Variants in KCNQ1 observed in about 807,000 individuals in gnomAD.
KCNQ1 encodes the protein potassium voltage-gated channel subfamily Q member 1.
In KCNQ1, 49 loss-of-function variants were observed where a neutral mutation model predicts 72.4. The ratio of observed to expected loss-of-function variants is 0.68; its 90% CI spans 0.54 to 0.86. KCNQ1 has a LOEUF of 0.86. Ranked by LOEUF, KCNQ1 falls within the 40% of genes least tolerant of loss-of-function variation. The probability of loss-of-function intolerance (pLI) is 0.00; values close to 1 mark genes in which losing one functional copy is unlikely to be tolerated. For missense variants in KCNQ1, 790 were observed against 945.1 expected (o/e 0.84, Z 2.15); for synonymous variants, 450 against 412.6 (o/e 1.09, Z -1.10).
chr11:2,575,084 A>G (rs528716705), intron 6 of KCNQ1, among the ~76,000 whole-genome samples: 109 of 152,264 alleles, frequency 7.2e-4, no homozygotes, highest in African/African-American at 2.4e-3. Context: ...ACGGCTGATA[A>G]GCAGTGCCCA....
rs1449455322 is a variant in KCNQ1, at chr11:2,602,858, T to C, written c.1393+14004T>C. Among the ~76,000 whole-genome samples the C allele has an allele frequency of 6.6e-6, 1 of 152,242 alleles. No individual in the cohort carries two copies. The highest frequency in any genetic ancestry group is 2.4e-5 in the African/African-American group (1 of 41,472). On this transcript the variant is annotated intron_variant, in intron 10 of 15. Coordinates refer to ENST00000155840, the MANE Select transcript of KCNQ1 (RefSeq NM_000218.3). The surrounding 1 kb of genome is among the most constrained non-coding windows in gnomAD (Gnocchi z 4.8). Reference sequence around the variant, plus strand: ...AAACAGGGTGCAAATATTTATTCATTGTAGCTTTCATTGTCATCATCTCAA... The same window carrying C: ...AAACAGGGTGCAAATATTTATTCATCGTAGCTTTCATTGTCATCATCTCAA...
chr11:2,621,206 G>T lies in KCNQ1; in HGVS notation c.1393+32352G>T. ...TTGGCCAGGATGGTCTCGAATACCT[G>T]ACCCCAGATGATCCACGCACCTCAG... On this transcript the variant is annotated intron_variant, in intron 10 of 15. Coordinates refer to ENST00000155840, the MANE Select transcript of KCNQ1 (RefSeq NM_000218.3). This position sits in a 1 kb window ranked among gnomAD's most constrained non-coding sequence, Gnocchi z 5.7. 2.5e-6 allele frequency: 1 copy of T among 397,674 alleles called. No homozygotes were observed. The highest frequency in any genetic ancestry group is 1.4e-4 in the South Asian group (1 of 7,130). The allele number at this position is 397,674 out of a possible 1,614,324, so 24.6% of individuals were successfully genotyped here. A position where few individuals can be genotyped will look rare whatever the true frequency, so the allele number is the denominator to read the frequency against.
In KCNQ1 at chr11:2,679,363, G is replaced by A. The variant is rs1850347906; in HGVS notation, c.1514+17282G>A. 2 of 398,502 alleles carry A rather than the reference G, an allele frequency of 5.0e-6. No homozygotes were observed. Among genetic ancestry groups the A allele is most frequent in the Non-Finnish European group, 8.8e-6 (2 of 226,072 alleles). The allele number at this position is 398,502 out of a possible 1,614,324, so 24.7% of individuals were successfully genotyped here. ...CTACTTTCTACCTGCTACACCTTGA[G>A]TGAGTCACTTAGTCTCAGTTTCTTT... On this transcript the variant is annotated intron_variant, in intron 11 of 15. Transcript: ENST00000155840. The surrounding 1 kb of genome is among the most constrained non-coding windows in gnomAD (Gnocchi z 4.8).
chr11:2,477,326 T>G lies in KCNQ1; in HGVS notation c.386+31842T>G, dbSNP rs1413049010. ...ATGTGGGATCAAAGGTAGGAAATGC[T>G]CTTTACAAAGTCATCAAAAAGTTTT... On this transcript the variant is annotated intron_variant, in intron 1 of 15. Transcript: ENST00000155840. The surrounding 1 kb of genome is among the most constrained non-coding windows in gnomAD (Gnocchi z 5.0). Among the ~76,000 whole-genome samples, 1 of 152,204 alleles carries G rather than the reference T, an allele frequency of 6.6e-6. No homozygotes were observed. The highest frequency in any genetic ancestry group is 1.5e-5 in the Non-Finnish European group (1 of 68,028).
chr11:2,650,884 G>A, intron 10 of KCNQ1: 1 of 398,620 alleles, frequency 2.5e-6, no homozygotes, highest in Non-Finnish European at 4.4e-6. Flanking sequence ...GAGGGGATGA[G>A]GAGCAGCATG....
chr11:2,718,291 T>G (rs10832572), intron 11 of KCNQ1, among the ~76,000 whole-genome samples: 29,880 of 152,066 alleles, frequency 0.2, 4,433 homozygotes, highest in African/African-American at 0.41. Flanking sequence ...ACCCCCACAC[T>G]TAGGGTGCCT....
At position 2,494,114 on chromosome 11, in the gene KCNQ1, G is replaced by C. The variant is rs1352202988; in HGVS notation, c.387-33814G>C. ...ATTTTCTTCTCTTTGTAGCAATTAT[G>C]AATGGGGATTCACTCATGATTTGGC... On this transcript the variant is annotated intron_variant, in intron 1 of 15. Transcript: ENST00000155840. This position sits in a 1 kb window ranked among gnomAD's most constrained non-coding sequence, Gnocchi z 4.6. 6.6e-6 allele frequency among the ~76,000 whole-genome samples: 1 copy of C among 151,988 alleles called. No homozygotes were observed. The highest frequency in any genetic ancestry group is 1.9e-4 in the East Asian group (1 of 5,162).
chr11:2,504,686 G>A (rs778639848), intron 1 of KCNQ1, among the ~76,000 whole-genome samples: 3 of 152,198 alleles, frequency 2.0e-5, no homozygotes, highest in Non-Finnish European at 4.4e-5. Context: ...GAACTCAGGA[G>A]GCGGAGGTTG....
chr11:2,779,893 A>G (rs546018797), intron 15 of KCNQ1, among the ~76,000 whole-genome samples: 1 of 152,284 alleles, frequency 6.6e-6, no homozygotes, highest in African/African-American at 2.4e-5. Flanking sequence ...TTCACATCTG[A>G]GCAACAAAGG....
intron 10 of KCNQ1, among the ~76,000 whole-genome samples, chr11:2,594,811 T>C (rs1848713573): frequency 6.6e-6 from 1 of 152,252 alleles, no homozygotes; most frequent in Non-Finnish European, 1.5e-5. Context: ...TGAACATGCA[T>C]ATTTTGTACC....
chr11:2,733,857 C>CGCTCTTTCTCT (rs147278439), intron 11 of KCNQ1, among the ~76,000 whole-genome samples: 1 of 76,320 alleles, frequency 1.3e-5, no homozygotes, highest in African/African-American at 6.1e-5. Flanking sequence ...CTCTCTCTCT[C>CGCTCTTTCTCT]CCCCCCCACT....
rs1287684811 is a variant in KCNQ1 at position 2,617,708 on chromosome 11, C to T, written c.1393+28854C>T. ...TGTACAAGAGTTCCCTAACCCTAGC[C>T]AACACTTAATAGCTATTCTCATGAG... On this transcript the variant is annotated intron_variant, in intron 10 of 15. Coordinates refer to ENST00000155840, the MANE Select transcript of KCNQ1 (RefSeq NM_000218.3). This position sits in a 1 kb window ranked among gnomAD's most constrained non-coding sequence, Gnocchi z 4.6. 2.5e-6 allele frequency: 1 copy of T among 398,306 alleles called. No homozygotes were observed. Among genetic ancestry groups the T allele is most frequent in the African/African-American group, 2.1e-5 (1 of 48,612 alleles). 24.7% of individuals were successfully genotyped at this position (398,306 alleles called of 1,614,324 possible).
At chr11:2,643,725 G>A (rs1383814169) in intron 10 of KCNQ1, 1 of 398,366 alleles carries the variant, frequency 2.5e-6, no homozygotes, top group African/African-American at 2.1e-5. Flanking sequence ...TCATGAAGTT[G>A]TCCTTTCACT....
At chr11:2,470,480 G>A (rs1846429221) in intron 1 of KCNQ1, among the ~76,000 whole-genome samples, 1 of 152,096 alleles carries the variant, frequency 6.6e-6, no homozygotes, top group Non-Finnish European at 1.5e-5. Context: ...AGAACATCTC[G>A]TTATCTCGTC....
chr11:2,580,784 TCAG>T (rs1848487511), intron 6 of KCNQ1, among the ~76,000 whole-genome samples: 1 of 152,224 alleles, frequency 6.6e-6, no homozygotes. Flanking sequence ...CCTGCTTTCT[TCAG>T]CCTGACCTTG....
intron 1 of KCNQ1, among the ~76,000 whole-genome samples, chr11:2,522,199 C>CA (rs150949289): frequency 6.6e-5 from 10 of 151,814 alleles, no homozygotes; most frequent in African/African-American, 1.2e-4. Flanking sequence ...GCTCATGCAG[C>CA]TCCCCGCCCC....
At chr11:2,501,481 G>T (rs537874589) in intron 1 of KCNQ1, among the ~76,000 whole-genome samples, 1 of 151,994 alleles carries the variant, frequency 6.6e-6, no homozygotes. Flanking sequence ...GAACCAGGAA[G>T]AAATGCAAAC....
Position 2,567,504 on chromosome 11 carries a change from G to A in KCNQ1, c.478-3124G>A, listed in dbSNP as rs560807951. The stretch of plus-strand genomic sequence containing the variant: ...TCTTGCTGTGGCCTTGGCCCTGGGT[G>A]TTGTCCCACACAGCCCAGGAGAGCG... On this transcript the variant is annotated intron_variant, in intron 2 of 15. Transcript: ENST00000155840. The surrounding 1 kb of genome is among the most constrained non-coding windows in gnomAD (Gnocchi z 6.6). Among the ~76,000 whole-genome samples, 5 of 152,326 alleles carry A rather than the reference G, an allele frequency of 3.3e-5. No homozygotes were observed. The highest frequency in any genetic ancestry group is 3.9e-4 in the East Asian group (2 of 5,184).
intron 10 of KCNQ1, chr11:2,636,684 A>T (rs1412436992): frequency 3.3e-5 from 5 of 152,174 alleles, no homozygotes; most frequent in African/African-American, 9.6e-5. Context: ...TGGTATCAGG[A>T]TGATGCTGGC....
Sources: gnomAD v4.1 joint callset for allele counts (sites outside exome capture counted in the v4.1 genomes callset) on GRCh38, gnomAD v4.1.1 for gene constraint, Gnocchi (gnomAD v3.1) non-coding constraint, MANE v1.5 for transcripts, NCBI Gene and HGNC (gene_info 2026-07-23, HGNC 2026-07-21) for gene names.